Variants in VPS39 observed in about 807,000 individuals in gnomAD.
VPS39 encodes the protein vam6/Vps39-like protein.
Under a neutral mutation model 121.0 loss-of-function variants are expected in VPS39, and 70 were observed. The observed-to-expected ratio is 0.58, with a 90% CI of 0.48 to 0.71. The LOEUF (loss-of-function observed/expected upper bound fraction) is 0.71. Ranked by LOEUF, VPS39 falls within the 30% of genes least tolerant of loss-of-function variation. The pLI is 0.00. For missense variants in VPS39, 818 were observed against 1,051.5 expected (o/e 0.78, Z 3.07); for synonymous variants, 378 against 398.1 (o/e 0.95, Z 0.60).
At chr15:42,176,224 T>G (rs1360264033) in intron 10 of VPS39, among the ~76,000 whole-genome samples, 1 of 152,162 alleles carries the variant, frequency 6.6e-6, no homozygotes, top group African/African-American at 2.4e-5. Flanking sequence ...GAAAAGACTC[T>G]GAGACCTTTC....
Position 42,162,124 on chromosome 15 carries a change from G to GT in VPS39, c.2367dup (p.Arg790ThrfsTer56). The GT allele has an allele frequency of 6.2e-7, 1 of 1,614,178 alleles. No individual in the cohort carries two copies. Among genetic ancestry groups the GT allele is most frequent in the Non-Finnish European group, 8.5e-7 (1 of 1,180,038 alleles). ...TCCAAGACCTTTTCCAGGAAGATGC[G>GT]TATGTCATTGATCTGAGTGTTTGCT... On this transcript the variant is annotated frameshift_variant, in exon 23 of 25. Transcript: ENST00000318006. LOFTEE classifies it high-confidence loss of function.
Position 42,196,708 on chromosome 15 carries a change from G to A in VPS39, c.139+3188C>T, listed in dbSNP as rs577661670. Among the ~76,000 whole-genome samples the A allele has an allele frequency of 1.1e-3, 167 of 152,292 alleles. 1 individual carries two copies. Among genetic ancestry groups the A allele is most frequent in the Admixed American group, 2.9e-3 (44 of 15,300 alleles). The stretch of plus-strand genomic sequence containing the variant: ...GGAGAGGATGTAGAGAAACAGGAAC[G>A]CTTTTACACTGTTGGTGGGACTGTA... On this transcript the variant is annotated intron_variant, in intron 2 of 24. Transcript: ENST00000318006.
intron 10 of VPS39, among the ~76,000 whole-genome samples, chr15:42,174,833 A>C (rs893462435): frequency 2.0e-5 from 3 of 151,902 alleles, no homozygotes; most frequent in African/African-American, 7.3e-5. Context: ...AATTAGCTGG[A>C]CATGGTGGCA....
intron 10 of VPS39, among the ~76,000 whole-genome samples, chr15:42,175,686 C>T (rs1316352781): frequency 2.6e-5 from 4 of 152,040 alleles, no homozygotes; most frequent in Admixed American, 1.3e-4. Context: ...CCCTGGTCTC[C>T]GCTCTCCTGC....
intron 2 of VPS39, chr15:42,192,089 T>C (rs1007273180): frequency 6.7e-5 from 103 of 1,536,292 alleles, no homozygotes; most frequent in Admixed American, 1.4e-4. Context: ...TGATGCTACA[T>C]CTGCTGGCAC....
chr15:42,193,435 C>T (rs1458205992), intron 2 of VPS39, among the ~76,000 whole-genome samples: 2 of 152,170 alleles, frequency 1.3e-5, no homozygotes, highest in African/African-American at 4.8e-5. Flanking sequence ...TTTGATACTA[C>T]ACCAACACTT....
chr15:42,174,180 G>A (rs770263983), intron 10 of VPS39, among the ~76,000 whole-genome samples: 6 of 152,150 alleles, frequency 3.9e-5, no homozygotes, highest in Admixed American at 3.9e-4. Flanking sequence ...CCAGGAGGTA[G>A]AGGTTGCAGT....
Position 42,164,499 on chromosome 15 carries a change from C to T in VPS39, c.1898-13G>A, listed in dbSNP as rs377574516. 65 of 1,613,234 alleles carry T rather than the reference C, an allele frequency of 4.0e-5. 1 individual carries two copies. In the African/African-American group the frequency reaches 7.9e-4, roughly 20 times the overall value. ...ACTGGGGTTTTGCCTTTAAGGGAAA[C>T]CAAGCTCAAAATGAAAGGACACTGC... On this transcript the variant is annotated splice_polypyrimidine_tract_variant and intron_variant, in intron 18 of 24. Transcript: ENST00000318006.
chr15:42,197,769 T>G (rs2049974214), intron 2 of VPS39, among the ~76,000 whole-genome samples: 2 of 152,072 alleles, frequency 1.3e-5, no homozygotes, highest in Non-Finnish European at 2.9e-5. Flanking sequence ...CTTGACCCTA[T>G]TATCCCCTCC....
chr15:42,170,741 ATTTTTTTTTTTTTT>A (rs869280235), intron 11 of VPS39, among the ~76,000 whole-genome samples: 3 of 50,472 alleles, frequency 5.9e-5, no homozygotes, highest in East Asian at 1.6e-3. Context: ...ATGCTCGCAG[ATTTTTTTTTTTTTT>A]TTTTTTTTTT....
chr15:42,178,611 G>A (rs1266374690), intron 8 of VPS39, 41 bp from the exon 9 acceptor site: 2 of 1,609,752 alleles, frequency 1.2e-6, no homozygotes, highest in Non-Finnish European at 8.5e-7. Flanking sequence ...CCGGTCTAAG[G>A]CTTTGGGTTT....
At chr15:42,166,029 A>G in intron 16 of VPS39, 130 bp downstream of exon 16, 6 of 1,078,764 alleles carry the variant, frequency 5.6e-6, no homozygotes, top group East Asian at 2.4e-5. Flanking sequence ...CGCGCTTCCC[A>G]GTCCACCCTT....
intron 1 of VPS39, among the ~76,000 whole-genome samples, chr15:42,201,720 T>C (rs2050073097): frequency 6.6e-6 from 1 of 152,198 alleles, no homozygotes; most frequent in African/African-American, 2.4e-5. Flanking sequence ...AGAAAGAGTT[T>C]AAATAATTAC....
chr15:42,173,243 T>G (rs2049380769), intron 11 of VPS39, among the ~76,000 whole-genome samples: 1 of 152,216 alleles, frequency 6.6e-6, no homozygotes, highest in Non-Finnish European at 1.5e-5. Flanking sequence ...AGAGGTCCAG[T>G]AACTCTACCA....
chr15:42,183,002 A>C (rs1443155931), intron 8 of VPS39, among the ~76,000 whole-genome samples: 1 of 152,062 alleles, frequency 6.6e-6, no homozygotes, highest in African/African-American at 2.4e-5. Context: ...ACTATCCATA[A>C]TCCTGGGCCT....
chr15:42,205,499 C>T (rs1211417827), intron 1 of VPS39, among the ~76,000 whole-genome samples: 1 of 152,098 alleles, frequency 6.6e-6, no homozygotes, highest in Non-Finnish European at 1.5e-5. Context: ...GTGCTTTGTG[C>T]ATTGATGGAA....
rs1465210331 is a variant in VPS39, at chr15:42,208,191, G to C, written c.-38C>G. 1.9e-6 allele frequency: 3 copies of C among 1,554,492 alleles called. No homozygotes were observed. The Admixed American group carries it at 5.8e-5, about 30-fold the overall frequency. On this transcript the variant is annotated 5_prime_UTR_variant, in exon 1 of 25. Coordinates refer to ENST00000318006, the MANE Select transcript of VPS39 (RefSeq NM_015289.5). ...AGAGTTGCCACCGCCGTCTCGCCCAGAGTGTTCCGGGCCGGGCTGGGGTCC... is the reference window on the plus strand; with the variant it reads ...AGAGTTGCCACCGCCGTCTCGCCCACAGTGTTCCGGGCCGGGCTGGGGTCC...
Position 42,178,226 on chromosome 15 carries a change from G to A in VPS39, c.952C>T (p.Gln318Ter), listed in dbSNP as rs1437507058. 1.9e-6 allele frequency: 3 copies of A among 1,614,044 alleles called. No homozygotes were observed. The highest frequency in any genetic ancestry group is 2.5e-6 in the Non-Finnish European group (3 of 1,180,026). The change falls in exon 10 of 25, where the codon CAG becomes TAG. Residue 318 changes from glutamine to a stop codon, truncating the protein, a stop_gained. Coordinates refer to ENST00000318006, the MANE Select transcript of VPS39 (RefSeq NM_015289.5). LOFTEE classifies it high-confidence loss of function. ...TCAGGAACAAGACTTACTGCGAGCT[G>A]CAGAGCCAATTCAAACTGCTTGTCC... is the stretch of plus-strand genomic sequence containing the variant. Reference protein sequence around the residue: ...LQDKQFELALQLAEMKDDSDS... With the variant: ...LQDKQFELAL
At chr15:42,184,450 T>C in intron 8 of VPS39, 67 bp downstream of exon 8, 1 of 1,493,298 alleles carries the variant, frequency 6.7e-7, no homozygotes, top group South Asian at 1.4e-5. Flanking sequence ...CGAATGGGAC[T>C]CCGTTCTGCA....
Sources: allele counts gnomAD v4.1 joint callset (sites outside exome capture counted in the v4.1 genomes callset), GRCh38; gene constraint gnomAD v4.1.1; transcripts MANE v1.5; gene names NCBI Gene and HGNC (gene_info 2026-07-23, HGNC 2026-07-21).